Variants in GLYATL3 observed in about 807,000 individuals in gnomAD.
GLYATL3 encodes glycine N-acyltransferase-like protein 3.
In GLYATL3, 31 loss-of-function variants were observed where a neutral mutation model predicts 28.5. The ratio of observed to expected loss-of-function variants is 1.09; its 90% CI spans 0.82 to 1.47. GLYATL3 has a LOEUF of 1.47. Among genes scored for constraint, GLYATL3 ranks in the 40% most tolerant of loss-of-function variants. GLYATL3 has a pLI of 0.00. For missense variants in GLYATL3, 369 were observed against 351.5 expected (o/e 1.05, Z -0.40); for synonymous variants, 141 against 140.2 (o/e 1.01, Z -0.04).
At position 49,526,870 on chromosome 6, in the gene GLYATL3, C is replaced by G; in HGVS notation, c.823C>G (p.Leu275Val). The G allele has an allele frequency of 6.5e-7, 1 of 1,548,836 alleles. No individual in the cohort carries two copies. The highest frequency in any genetic ancestry group is 8.7e-7 in the Non-Finnish European group (1 of 1,144,988). ...GTTCTTGCCTTGTCGCTTCCACAGG[C>G]TTATTCTCACCCCTGCGACTTTCTC... ...AEFLPCRFHR[L>V]ILTPATFSGL... is the part of the protein sequence containing the mutation. The change falls in exon 6 of 6, where the codon CTT becomes GTT. Residue 275 changes from leucine to valine, a missense_variant. Transcript: ENST00000371197.
intron 5 of GLYATL3, among the ~76,000 whole-genome samples, chr6:49,525,909 A>G (rs1769402751): frequency 6.6e-6 from 1 of 152,216 alleles, no homozygotes; most frequent in African/African-American, 2.4e-5. Flanking sequence ...AATTTATTTA[A>G]CAACAGAAAC....
intron 2 of GLYATL3, among the ~76,000 whole-genome samples, chr6:49,513,119 T>C (rs1769152755): frequency 6.6e-6 from 1 of 152,214 alleles, no homozygotes; most frequent in Non-Finnish European, 1.5e-5. Flanking sequence ...GAAAAAAATT[T>C]CAGTGACCTT....
intron 5 of GLYATL3, among the ~76,000 whole-genome samples, chr6:49,525,102 T>TTA (rs1769383561): frequency 6.6e-6 from 1 of 150,970 alleles, no homozygotes; most frequent in African/African-American, 2.4e-5. Flanking sequence ...CATTTTTTTT[T>TTA]TTTTTTTATT....
In GLYATL3 at chr6:49,526,608, C is replaced by T. The variant is rs538846312; in HGVS notation, c.561C>T (p.Cys187=). ...CLRYIANLIS[C]FPSVCVRDEK... The stretch of plus-strand genomic sequence containing the variant: ...GGTACATCGCCAACCTCATCTCCTG[C>T]TTCCCTAGTGTGTGTGTCCGGGATG... Residue 187 remains cysteine, a synonymous_variant, in exon 6 of 6, where the codon TGC becomes TGT. Transcript: ENST00000371197. 6.4e-7 allele frequency: 1 copy of T among 1,552,044 alleles called. No homozygotes were observed. Among genetic ancestry groups the T allele is most frequent in the African/African-American group, 1.4e-5 (1 of 73,158 alleles).
At chr6:49,511,160 T>A (rs1232900205) in intron 1 of GLYATL3, among the ~76,000 whole-genome samples, 2 of 152,210 alleles carry the variant, frequency 1.3e-5, no homozygotes, top group South Asian at 4.1e-4. Context: ...ATGTAGGAAA[T>A]ATTTTTTTTC....
At chr6:49,520,019 T>C (rs1385174293) in intron 4 of GLYATL3, among the ~76,000 whole-genome samples, 1 of 152,188 alleles carries the variant, frequency 6.6e-6, no homozygotes, top group Non-Finnish European at 1.5e-5. Flanking sequence ...TAGCCACTCT[T>C]CTCATAGAAG....
intron 1 of GLYATL3, among the ~76,000 whole-genome samples, chr6:49,507,142 C>A (rs1449953197): frequency 1.3e-5 from 2 of 152,070 alleles, no homozygotes; most frequent in East Asian, 3.9e-4. Context: ...ATCAAATTCT[C>A]CCTCATCATC....
chr6:49,511,926 G>A, intron 1 of GLYATL3, 37 bp from the exon 2 acceptor site: 3 of 784,714 alleles, frequency 3.8e-6, no homozygotes, highest in Non-Finnish European at 4.1e-6. Context: ...ATATTAACAG[G>A]CAAAAATTAA....
intron 1 of GLYATL3, among the ~76,000 whole-genome samples, chr6:49,504,489 T>G (rs1334120080): frequency 6.6e-6 from 1 of 152,170 alleles, no homozygotes; most frequent in East Asian, 1.9e-4. Flanking sequence ...CTTGGTTTAC[T>G]GTGGGACAGT....
chr6:49,526,850 T>C lies in GLYATL3; in HGVS notation c.803T>C (p.Leu268Ser). 1 of 1,551,828 alleles carries C rather than the reference T, an allele frequency of 6.4e-7. No individual in the cohort carries two copies. The highest frequency in any genetic ancestry group is 1.2e-5 in the South Asian group (1 of 84,028). Reference sequence around the variant, plus strand: ...CTGAAGAGTCTCCATGCTGAGTTCTTGCCTTGTCGCTTCCACAGGCTTATT... The same window carrying C: ...CTGAAGAGTCTCCATGCTGAGTTCTCGCCTTGTCGCTTCCACAGGCTTATT... ...SLLKSLHAEF[L>S]PCRFHRLILT... Residue 268 changes from leucine to serine, a missense_variant, in exon 6 of 6, where the codon TTG becomes TCG. Physicochemically the swap from Leu to Ser is moderately radical, Grantham distance 145 (BLOSUM62 -2). Coordinates refer to ENST00000371197, the MANE Select transcript of GLYATL3 (RefSeq NM_001010904.2).
Position 49,527,281 on chromosome 6 carries a change from C to A in GLYATL3, c.*367C>A, listed in dbSNP as rs1023765360. Among the ~76,000 whole-genome samples, 3 of 152,152 alleles carry A rather than the reference C, an allele frequency of 2.0e-5. No homozygotes were observed. The highest frequency in any genetic ancestry group is 4.4e-5 in the Non-Finnish European group (3 of 68,020). On this transcript the variant is annotated 3_prime_UTR_variant, in exon 6 of 6. Transcript: ENST00000371197. ...TACTGCTTTTTGATTGCTGCTTGGA[C>A]CTCTGCTCTGTATTCTTAAAGCCAC...
chr6:49,508,326 C>A (rs1027143109), intron 1 of GLYATL3, among the ~76,000 whole-genome samples: 1 of 152,094 alleles, frequency 6.6e-6, no homozygotes, highest in African/African-American at 2.4e-5. Flanking sequence ...ACAACAACAA[C>A]AAAAACCAGA....
chr6:49,502,174 C>A (rs1395807021), intron 1 of GLYATL3, among the ~76,000 whole-genome samples: 1 of 152,188 alleles, frequency 6.6e-6, no homozygotes, highest in East Asian at 1.9e-4. Flanking sequence ...CATAGCTTGG[C>A]ACTGATCATG....
chr6:49,521,045 A>G (rs1769303013), intron 4 of GLYATL3, among the ~76,000 whole-genome samples: 1 of 152,226 alleles, frequency 6.6e-6, no homozygotes, highest in African/African-American at 2.4e-5. Context: ...AAACCATACC[A>G]TTTTTGTGTA....
intron 1 of GLYATL3, 105 bp downstream of exon 1, chr6:49,500,147 G>A (rs914833130): frequency 1.3e-5 from 2 of 152,032 alleles, no homozygotes; most frequent in South Asian, 2.1e-4. Context: ...TATACAGAAC[G>A]AATACATTGT....
intron 4 of GLYATL3, among the ~76,000 whole-genome samples, chr6:49,519,658 G>A (rs1769280375): frequency 6.6e-6 from 1 of 152,180 alleles, no homozygotes; most frequent in South Asian, 2.1e-4. Flanking sequence ...TTTGGCTACT[G>A]GGTAGATCAA....
chr6:49,500,242 T>C (rs972497702), intron 1 of GLYATL3, among the ~76,000 whole-genome samples, 200 bp downstream of exon 1: 13 of 152,164 alleles, frequency 8.5e-5, no homozygotes, highest in African/African-American at 7.2e-5. Context: ...AATTTTGATA[T>C]GAGGAAAATT....
chr6:49,516,700 A>G, intron 3 of GLYATL3, among the ~76,000 whole-genome samples: 1 of 152,100 alleles, frequency 6.6e-6, no homozygotes, highest in East Asian at 1.9e-4. Context: ...AGGCTGAGGC[A>G]GGGGGTTTGC....
chr6:49,518,014 A>T (rs1469698881), intron 4 of GLYATL3, among the ~76,000 whole-genome samples: 1 of 152,186 alleles, frequency 6.6e-6, no homozygotes, highest in Non-Finnish European at 1.5e-5. Context: ...TCTGCATAAA[A>T]TGTCCTCAAA....
Sources: allele counts gnomAD v4.1 joint callset (sites outside exome capture counted in the v4.1 genomes callset), GRCh38; gene constraint gnomAD v4.1.1; transcripts MANE v1.5; gene names NCBI Gene and HGNC (gene_info 2026-07-23, HGNC 2026-07-21).